The following TOX variants were observed in gnomAD, a reference collection of about 807,000 sequenced individuals.
TOX encodes the protein thymocyte selection-associated high mobility group box protein TOX.
TOX carries 11 observed loss-of-function variants against 53.7 expected under a neutral mutation model. The observed-to-expected ratio is 0.20, with a 90% CI of 0.13 to 0.34. The LOEUF (loss-of-function observed/expected upper bound fraction) is 0.34. Ranked by LOEUF, TOX falls within the 10% of genes least tolerant of loss-of-function variation. The pLI is 1.00. For synonymous variants in TOX, 225 were observed against 245.3 expected, an observed-to-expected ratio of 0.92 and a Z score of 0.77; for missense variants, 570 against 664.6, an observed-to-expected ratio of 0.86 and a Z score of 1.56.
chr8:58,919,796 C>A (rs1812041154), intron 3 of TOX, among the ~76,000 whole-genome samples: 1 of 4,916 alleles, frequency 2.0e-4, no homozygotes, highest in Non-Finnish European at 2.6e-4. Flanking sequence ...AAAATTTTTG[C>A]AACCTACTCA....
chr8:58,924,605 TG>T (rs1044860068), intron 3 of TOX, among the ~76,000 whole-genome samples: 11 of 152,376 alleles, frequency 7.2e-5, no homozygotes, highest in African/African-American at 2.6e-4. Context: ...CCTGTGTTCA[TG>T]GAAGTGCTTA....
chr8:59,115,597 T>C (rs910990024), intron 1 of TOX, among the ~76,000 whole-genome samples: 4 of 151,380 alleles, frequency 2.6e-5, no homozygotes, highest in Non-Finnish European at 4.4e-5. Flanking sequence ...AACTCCACTA[T>C]GGTACTCATC....
intron 3 of TOX, among the ~76,000 whole-genome samples, chr8:58,933,483 A>G (rs1461413392): frequency 1.3e-5 from 2 of 149,978 alleles, no homozygotes; most frequent in African/African-American, 4.9e-5. Context: ...AAGCAATATC[A>G]CTTTTTTTTA....
intron 4 of TOX, among the ~76,000 whole-genome samples, chr8:58,841,384 C>T (rs930737315): frequency 2.0e-5 from 3 of 152,016 alleles, no homozygotes; most frequent in Admixed American, 6.5e-5. Context: ...AAATGCTTAA[C>T]GTTTGTTATA....
chr8:59,093,558 A>G (rs1468930259), intron 1 of TOX, among the ~76,000 whole-genome samples: 2 of 152,220 alleles, frequency 1.3e-5, no homozygotes, highest in Non-Finnish European at 2.9e-5. Flanking sequence ...AAATAATTAA[A>G]TATTTACAGC....
chr8:58,850,785 A>G (rs1039548209), intron 4 of TOX, among the ~76,000 whole-genome samples: 1 of 152,252 alleles, frequency 6.6e-6, no homozygotes, highest in African/African-American at 2.4e-5. Flanking sequence ...TCTGGACTGA[A>G]AAAATTTAGC....
intron 1 of TOX, among the ~76,000 whole-genome samples, chr8:59,099,489 T>A (rs899914009): frequency 2.6e-5 from 4 of 152,208 alleles, no homozygotes; most frequent in Non-Finnish European, 5.9e-5. Context: ...TAAAAAAGTA[T>A]ACTGATACAT....
chr8:59,108,750 T>C (rs1804959721), intron 1 of TOX, among the ~76,000 whole-genome samples: 1 of 148,774 alleles, frequency 6.7e-6, no homozygotes, highest in African/African-American at 2.5e-5. Flanking sequence ...GATGAGAAAA[T>C]GAGATCTTGT....
chr8:58,897,637 A>G (rs1811674239), intron 3 of TOX, among the ~76,000 whole-genome samples: 2 of 152,122 alleles, frequency 1.3e-5, no homozygotes, highest in Admixed American at 6.5e-5. Context: ...TTCCAAGACT[A>G]AAATGTTAGA....
chr8:59,048,009 T>C (rs1803720604), intron 1 of TOX, among the ~76,000 whole-genome samples: 3 of 152,166 alleles, frequency 2.0e-5, no homozygotes, highest in African/African-American at 7.2e-5. Flanking sequence ...CCTTGATTAT[T>C]ATTATAGTAA....
At chr8:58,893,666 G>C (rs1811595619) in intron 3 of TOX, among the ~76,000 whole-genome samples, 2 of 152,102 alleles carry the variant, frequency 1.3e-5, no homozygotes, top group African/African-American at 2.4e-5. Flanking sequence ...AGCTGCCTTT[G>C]GTGGGTTTTC....
chr8:59,045,439 A>G (rs1055797438), intron 1 of TOX, among the ~76,000 whole-genome samples: 1 of 152,236 alleles, frequency 6.6e-6, no homozygotes, highest in African/African-American at 2.4e-5. Flanking sequence ...TGGTGCAAAA[A>G]TAATTCTGCT....
intron 3 of TOX, among the ~76,000 whole-genome samples, chr8:58,881,727 A>C (rs1187150289): frequency 6.6e-6 from 1 of 150,912 alleles, no homozygotes; most frequent in East Asian, 1.9e-4. Flanking sequence ...CCATCTCAAA[A>C]AAAAAAAAAA....
At chr8:58,846,365 TTCCAAG>T (rs1407791005) in intron 4 of TOX, among the ~76,000 whole-genome samples, 3 of 152,144 alleles carry the variant, frequency 2.0e-5, no homozygotes, top group Admixed American at 6.5e-5. Flanking sequence ...AATACCAGAC[TTCCAAG>T]TCCCAGTTTT....
intron 1 of TOX, among the ~76,000 whole-genome samples, chr8:59,064,828 T>C (rs1027437881): frequency 2.6e-5 from 4 of 152,308 alleles, no homozygotes; most frequent in Admixed American, 1.3e-4. Context: ...TTTCAATGTA[T>C]GTCAATTTAG....
chr8:59,037,209 CTGTT>C (rs1199623901), intron 1 of TOX, among the ~76,000 whole-genome samples: 2 of 149,208 alleles, frequency 1.3e-5, no homozygotes, highest in African/African-American at 5.0e-5. Context: ...TTGGCCCTCT[CTGTT>C]TGATTACATC....
At chr8:59,090,501 T>C (rs1242287352) in intron 1 of TOX, among the ~76,000 whole-genome samples, 6 of 152,178 alleles carry the variant, frequency 3.9e-5, no homozygotes, top group African/African-American at 1.4e-4. Context: ...CACCTGTTTA[T>C]TGGCACCTGA....
intron 3 of TOX, among the ~76,000 whole-genome samples, chr8:58,920,707 T>TAAAAAAAAAAAAATAAAAAAAAAAA (rs56112630): frequency 1.4e-5 from 1 of 72,024 alleles, no homozygotes; most frequent in Non-Finnish European, 2.4e-5. Flanking sequence ...TAAAGTATAA[T>TAAAAAAAAAAAAATAAAAAAAAAAA]AAAAAAAAAA....
chr8:59,076,685 T>C (rs1804298445), intron 1 of TOX, among the ~76,000 whole-genome samples: 1 of 152,210 alleles, frequency 6.6e-6, no homozygotes, highest in Non-Finnish European at 1.5e-5. Flanking sequence ...GTAGTTGTTG[T>C]TATAAATAAA....
Sources: allele counts gnomAD v4.1 joint callset (sites outside exome capture counted in the v4.1 genomes callset), GRCh38; gene constraint gnomAD v4.1.1; transcripts MANE v1.5; gene names NCBI Gene and HGNC (gene_info 2026-07-23, HGNC 2026-07-21).